The following SETDB1 variants were observed in gnomAD, a reference collection of about 807,000 sequenced individuals.
SETDB1 encodes the protein histone-lysine N-methyltransferase SETDB1.
In SETDB1, 31 loss-of-function variants were observed where a neutral mutation model predicts 137.4. The ratio of observed to expected loss-of-function variants is 0.23; its 90% CI spans 0.17 to 0.30. The LOEUF is 0.30. SETDB1 is among the 10% of genes least tolerant of loss of function. The probability of loss-of-function intolerance (pLI) is 1.00; values close to 1 mark genes in which losing one functional copy is unlikely to be tolerated. For missense variants in SETDB1, 1,113 were observed against 1,631.5 expected (o/e 0.68, Z 5.47); for synonymous variants, 548 against 579.9 (o/e 0.95, Z 0.79).
Position 150,963,053 on chromosome 1 carries a change from C to T in SETDB1, c.3374C>T (p.Ser1125Leu), listed in dbSNP as rs767499693. The T allele has an allele frequency of 3.6e-5, 58 of 1,614,036 alleles. No homozygotes were observed. Among genetic ancestry groups the T allele is most frequent in the Middle Eastern group, 1.6e-4 (1 of 6,084 alleles). Residue 1125 changes from serine to leucine, a missense_variant, in exon 19 of 22, where the codon TCG (serine) becomes TTG (leucine). By Grantham distance (145) the Ser-to-Leu change is moderately radical. This residue lies in a region of SETDB1 where 373 missense variants were observed against 412.7 expected (regional missense o/e 0.90). Transcript: ENST00000692827. Reference sequence around the variant, plus strand: ...CGAAAGCCCACTGCTGGTCAGACTTCGGCTACAGCGGTTGACAGTGATGAT... The same window carrying T: ...CGAAAGCCCACTGCTGGTCAGACTTTGGCTACAGCGGTTGACAGTGATGAT... Reference protein sequence around the residue: ...TSRKPTAGQTSATAVDSDDIQ... With the variant: ...TSRKPTAGQTLATAVDSDDIQ...
At chr1:150,938,973 C>G (rs1206497667) in intron 3 of SETDB1, among the ~76,000 whole-genome samples, 1 of 152,000 alleles carries the variant, frequency 6.6e-6, no homozygotes, top group Admixed American at 6.6e-5. Context: ...ACTGGTCTTA[C>G]GCTGCACCAA....
Position 150,947,016 on chromosome 1 carries a change from T to C in SETDB1, c.1267+4T>C. 1 of 1,613,910 alleles carries C rather than the reference T, an allele frequency of 6.2e-7. No homozygotes were observed. On this transcript the variant is annotated splice_donor_region_variant and intron_variant, in intron 10 of 21. Coordinates refer to ENST00000692827, the MANE Select transcript of SETDB1 (RefSeq NM_001366418.1). ...CTCAGGACACGTCCAAATATGGGTATGTCCTGAAAGATTCCTGGAGGAAGG... is the reference window on the plus strand; with the variant it reads ...CTCAGGACACGTCCAAATATGGGTACGTCCTGAAAGATTCCTGGAGGAAGG...
intron 16 of SETDB1, 119 bp from the exon 17 acceptor site, chr1:150,962,011 C>G: frequency 4.9e-6 from 6 of 1,236,542 alleles, no homozygotes; most frequent in Non-Finnish European, 7.2e-6. Flanking sequence ...ACCCACCCCA[C>G]TTTAGAATGT....
At chr1:150,961,269 T>C (rs1371376598) in intron 16 of SETDB1, 78 bp downstream of exon 16, 2 of 1,388,130 alleles carry the variant, frequency 1.4e-6, no homozygotes, top group East Asian at 2.5e-5. Flanking sequence ...CATGAGTCTT[T>C]GCATGTAGAT....
intron 5 of SETDB1, among the ~76,000 whole-genome samples, chr1:150,942,070 G>A (rs1670180475): frequency 6.6e-6 from 1 of 150,994 alleles, no homozygotes; most frequent in South Asian, 2.1e-4. Flanking sequence ...AACCCGGAAG[G>A]TGAAGGTTGC....
At chr1:150,944,519 C>G (rs1670264662) in intron 8 of SETDB1, among the ~76,000 whole-genome samples, 1 of 152,166 alleles carries the variant, frequency 6.6e-6, no homozygotes, top group African/African-American at 2.4e-5. Flanking sequence ...TAAACACATT[C>G]TGAGTCTCTT....
chr1:150,942,622 C>T lies in SETDB1; in HGVS notation c.607C>T (p.Arg203Ter). 1 of 1,613,686 alleles carries T rather than the reference C, an allele frequency of 6.2e-7. No homozygotes were observed. The highest frequency in any genetic ancestry group is 8.5e-7 in the Non-Finnish European group (1 of 1,179,742). Residue 203 changes from arginine to a stop codon, truncating the protein, a stop_gained, in exon 6 of 22, where the codon CGA (arginine) becomes TGA (stop). Coordinates refer to ENST00000692827, the MANE Select transcript of SETDB1 (RefSeq NM_001366418.1). LOFTEE classifies it high-confidence loss of function. ...SKDGDLIVSM[R>*]ILGKKRTKTW... Reference sequence around the variant, plus strand: ...AGATGGTGACCTGATAGTCAGCATGCGAATTCTGGGCAAGAAGAGAACTAA... The same window carrying T: ...AGATGGTGACCTGATAGTCAGCATGTGAATTCTGGGCAAGAAGAGAACTAA...
At chr1:150,946,024 T>C (rs113233125) in intron 9 of SETDB1, among the ~76,000 whole-genome samples, 1,792 of 151,484 alleles carry the variant, frequency 0.012, 25 homozygotes, top group African/African-American at 0.041. Context: ...TTTTGTTTTG[T>C]TTTGTTTTGT....
chr1:150,951,380 C>T lies in SETDB1; in HGVS notation c.2232C>T (p.Cys744=), dbSNP rs1670486684. 1 of 1,611,434 alleles carries T rather than the reference C, an allele frequency of 6.2e-7. No homozygotes were observed. The highest frequency in any genetic ancestry group is 8.5e-7 in the Non-Finnish European group (1 of 1,177,558). ...TGTCATATAGGTCCAAGTGTGCCTG[C>T]CATCAACTAACTATCCAGGCTACAG... ...DGCRDKSKCA[C]HQLTIQATAC... The change falls in exon 14 of 22, where the codon TGC becomes TGT. Residue 744 remains cysteine, a synonymous_variant. Transcript: ENST00000692827.
At chr1:150,927,151 A>G (rs1571616795) in intron 1 of SETDB1, among the ~76,000 whole-genome samples, 1 of 152,328 alleles carries the variant, frequency 6.6e-6, no homozygotes, top group East Asian at 1.9e-4. Flanking sequence ...GTTTTGAGAC[A>G]GGGTCTCACT....
chr1:150,951,074 G>T lies in SETDB1; in HGVS notation c.2200G>T (p.Asp734Tyr). The T allele has an allele frequency of 6.2e-7, 1 of 1,609,658 alleles. No homozygotes were observed. Among genetic ancestry groups the T allele is most frequent in the Non-Finnish European group, 8.5e-7 (1 of 1,176,414 alleles). ...PEFLVGCDCK[D>Y]GCRDKSKCAC... is the part of the protein sequence containing the mutation. ...ATTTCTGGTTGGCTGTGACTGCAAGGATGGGTGTCGGGACAAGTGAGTTGG... is the reference window on the plus strand; with the variant it reads ...ATTTCTGGTTGGCTGTGACTGCAAGTATGGGTGTCGGGACAAGTGAGTTGG... The change falls in exon 13 of 22, where the codon GAT becomes TAT. Residue 734 changes from aspartate (D) to tyrosine (Y), a missense_variant. By Grantham distance (160) the Asp-to-Tyr change is radical (BLOSUM62 -3). Coordinates refer to ENST00000692827, the MANE Select transcript of SETDB1 (RefSeq NM_001366418.1).
At position 150,949,362 on chromosome 1, in the gene SETDB1, C is replaced by T. The variant is rs1670430373; in HGVS notation, c.1425-5C>T. On this transcript the variant is annotated splice_region_variant and splice_polypyrimidine_tract_variant and intron_variant, in intron 11 of 21. Coordinates refer to ENST00000692827, the MANE Select transcript of SETDB1 (RefSeq NM_001366418.1). ...TACTATATGCCCTCTTCTCTAATCTCCTAGAAGCTTGGAAAGCCAGCTTGC... is the reference window on the plus strand; with the variant it reads ...TACTATATGCCCTCTTCTCTAATCTTCTAGAAGCTTGGAAAGCCAGCTTGC... 1.9e-6 allele frequency: 3 copies of T among 1,614,140 alleles called. No individual in the cohort carries two copies. Among genetic ancestry groups the T allele is most frequent in the Non-Finnish European group, 2.5e-6 (3 of 1,179,996 alleles).
At chr1:150,941,568 G>A (rs587664178) in intron 5 of SETDB1, 140 bp downstream of exon 5, 2 of 583,874 alleles carry the variant, frequency 3.4e-6, no homozygotes, top group East Asian at 2.9e-5. Flanking sequence ...TTACATTGAT[G>A]GTGATTTTTC....
intron 14 of SETDB1, among the ~76,000 whole-genome samples, chr1:150,957,733 T>A (rs587748685): frequency 8.1e-4 from 124 of 152,342 alleles, no homozygotes; most frequent in African/African-American, 2.8e-3. Context: ...TGGGGTGGAC[T>A]TGCTTTGTCA....
chr1:150,929,519 C>T (rs1669658040), intron 2 of SETDB1, among the ~76,000 whole-genome samples: 1 of 151,976 alleles, frequency 6.6e-6, no homozygotes, highest in Non-Finnish European at 1.5e-5. Flanking sequence ...GCTGGGACGA[C>T]AAGCGTGTGC....
At chr1:150,956,163 G>T (rs1643632135) in intron 14 of SETDB1, among the ~76,000 whole-genome samples, 1 of 151,198 alleles carries the variant, frequency 6.6e-6, no homozygotes, top group African/African-American at 2.4e-5. Flanking sequence ...CGAGACAGGT[G>T]GATTACGAGG....
rs778927612 is a variant in SETDB1 at position 150,933,337 on chromosome 1, GGCCTTAGCTACCAT to G, written c.412+3224_412+3237del. 1.6e-3 allele frequency among the ~76,000 whole-genome samples: 233 copies of G among 149,912 alleles called. 1 individual carries two copies. The highest frequency in any genetic ancestry group is 2.5e-3 in the Non-Finnish European group (170 of 67,726). ...GGCCTCCCAAGGTGCTGGGATTATA[GGCCTTAGCTACCAT>G]GCCTGGCCTATTTTGTCTTTTTTTT... On this transcript the variant is annotated intron_variant, in intron 3 of 21. Coordinates refer to ENST00000692827, the MANE Select transcript of SETDB1 (RefSeq NM_001366418.1).
At chr1:150,954,012 G>A (rs955297897) in intron 14 of SETDB1, among the ~76,000 whole-genome samples, 4 of 151,666 alleles carry the variant, frequency 2.6e-5, no homozygotes, top group South Asian at 2.1e-4. Flanking sequence ...CCACCACCAC[G>A]CCTGACTACT....
At chr1:150,951,332 C>G (rs141012231) in intron 13 of SETDB1, 33 bp from the exon 14 acceptor site, 7 of 1,457,532 alleles carry the variant, frequency 4.8e-6, no homozygotes, top group African/African-American at 2.8e-5. Flanking sequence ...CTGATCCCCC[C>G]GCTCCTTTCC....
Sources: allele counts gnomAD v4.1 joint callset (sites outside exome capture counted in the v4.1 genomes callset), GRCh38; gene constraint gnomAD v4.1.1; regional missense constraint gnomAD v4.1.1; transcripts MANE v1.5; gene names NCBI Gene and HGNC (gene_info 2026-07-23, HGNC 2026-07-21).